The following TENM1 variants were observed in gnomAD, a reference collection of about 807,000 sequenced individuals.
TENM1 encodes the protein teneurin-1.
Under a neutral mutation model 174.8 loss-of-function variants are expected in TENM1, and 35 were observed. The observed-to-expected ratio is 0.20, with a 90% CI of 0.15 to 0.27. The LOEUF (loss-of-function observed/expected upper bound fraction) is 0.27, where lower values mean the gene tolerates loss of function less well. Ranked by LOEUF, TENM1 falls within the 10% of genes least tolerant of loss-of-function variation. The probability of loss-of-function intolerance (pLI) is 1.00; values close to 1 mark genes in which losing one functional copy is unlikely to be tolerated. For synonymous variants in TENM1, 781 were observed against 798.7 expected (o/e 0.98, Z 0.37); for missense variants, 1,633 against 2,130.1 (o/e 0.77, Z 4.59).
chrX:124,436,394 C>T (rs564596963), intron 23 of TENM1, among the ~76,000 whole-genome samples: 63 of 111,322 alleles, frequency 5.7e-4, no homozygotes, highest in African/African-American at 1.9e-3. Flanking sequence ...AGCCCTTCAT[C>T]CTGGAAGCAG....
chrX:125,118,657 G>A, the TENM1 span, among the ~76,000 whole-genome samples: 1 of 111,396 alleles, frequency 9.0e-6, no homozygotes, highest in Non-Finnish European at 1.9e-5. Context: ...TTAAGCACAC[G>A]AAAAGATGCT....
chrX:124,476,952 T>C (rs942527597), intron 22 of TENM1, among the ~76,000 whole-genome samples: 7 of 112,520 alleles, frequency 6.2e-5, no homozygotes, highest in South Asian at 3.7e-4. Context: ...CCCATTACAT[T>C]GAAGTATTGA....
intron 20 of TENM1, among the ~76,000 whole-genome samples, chrX:124,496,061 C>CT (rs2047194415): frequency 9.5e-6 from 1 of 105,280 alleles, no homozygotes; most frequent in Non-Finnish European, 1.9e-5. Flanking sequence ...TCAGAAATAA[C>CT]ACCGCATATC....
intron 3 of TENM1, among the ~76,000 whole-genome samples, chrX:124,791,670 A>T (rs1026176299): frequency 2.7e-5 from 3 of 111,821 alleles, no homozygotes; most frequent in Non-Finnish European, 3.8e-5. Context: ...TGTAGATCAA[A>T]GTGGATTTCC....
At chrX:124,558,984 G>A (rs1034175668) in intron 14 of TENM1, among the ~76,000 whole-genome samples, 4 of 111,449 alleles carry the variant, frequency 3.6e-5, no homozygotes, top group Non-Finnish European at 7.5e-5. Flanking sequence ...ATAGACCACA[G>A]GCATTGAGAA....
the TENM1 span, among the ~76,000 whole-genome samples, chrX:125,109,556 A>G: frequency 2.7e-5 from 3 of 110,914 alleles, no homozygotes; most frequent in Admixed American, 1.9e-4. Context: ...CCAAACACGC[A>G]GGAACAGTAA....
chrX:124,644,399 C>T (rs1050924430), intron 10 of TENM1, among the ~76,000 whole-genome samples: 6 of 108,799 alleles, frequency 5.5e-5, no homozygotes, highest in African/African-American at 1.7e-4. Context: ...GCCTCTTTCC[C>T]GAACAACAGT....
chrX:125,202,749 C>T, the TENM1 span, among the ~76,000 whole-genome samples: 1 of 109,658 alleles, frequency 9.1e-6, no homozygotes, highest in Non-Finnish European at 1.9e-5. Context: ...CTGACTGCAT[C>T]GGGTTCACTG....
At chrX:124,681,706 C>T (rs765511195) in intron 5 of TENM1, among the ~76,000 whole-genome samples, 24 of 111,407 alleles carry the variant, frequency 2.2e-4, no homozygotes, top group Admixed American at 4.8e-4. Flanking sequence ...GTGTAATAAT[C>T]TTGGGTAAGT....
chrX:124,631,074 C>T (rs1023030750), intron 11 of TENM1, among the ~76,000 whole-genome samples: 12 of 111,381 alleles, frequency 1.1e-4, no homozygotes, highest in African/African-American at 3.9e-4. Context: ...TTAAGAAAGC[C>T]AAAAACAAGA....
the TENM1 span, among the ~76,000 whole-genome samples, chrX:125,035,747 G>C: frequency 1.8e-5 from 2 of 111,251 alleles, no homozygotes; most frequent in Admixed American, 1.9e-4. Flanking sequence ...TCTGAAAAGG[G>C]TCTGTTAAAT....
intron 15 of TENM1, among the ~76,000 whole-genome samples, chrX:124,539,988 G>C (rs938729546): frequency 1.8e-5 from 2 of 111,916 alleles, no homozygotes; most frequent in Non-Finnish European, 3.8e-5. Flanking sequence ...TTGTCTTACA[G>C]GGCTACCTGT....
intron 31 of TENM1, 59 bp from the exon 35 acceptor site, chrX:124,381,353 G>A: frequency 9.4e-7 from 1 of 1,067,413 alleles, no homozygotes. Flanking sequence ...TCAGATACTT[G>A]GTGATTGTGG....
At chrX:124,749,156 A>C (rs1382236467) in intron 3 of TENM1, among the ~76,000 whole-genome samples, 1 of 111,549 alleles carries the variant, frequency 9.0e-6, no homozygotes, top group Non-Finnish European at 1.9e-5. Context: ...ATATAAGAAC[A>C]GTTGACACCT....
intron 3 of TENM1, among the ~76,000 whole-genome samples, chrX:124,843,925 C>T (rs951025963): frequency 3.6e-5 from 4 of 111,463 alleles, no homozygotes; most frequent in Admixed American, 9.5e-5. Context: ...CCTTCTATGC[C>T]GTAGGAATGC....
chrX:124,717,269 A>G (rs1316171085), intron 4 of TENM1, among the ~76,000 whole-genome samples: 6 of 111,743 alleles, frequency 5.4e-5, no homozygotes, highest in African/African-American at 1.3e-4. Context: ...AGATATGTAG[A>G]TCATTGTCTC....
intron 4 of TENM1, among the ~76,000 whole-genome samples, chrX:124,715,866 TTTA>T (rs1186039223): frequency 1.3e-4 from 15 of 111,260 alleles, no homozygotes; most frequent in African/African-American, 4.9e-4. Context: ...ATCATTTATT[TTTA>T]TTGAGTTATA....
chrX:125,143,018 T>C, the TENM1 span, among the ~76,000 whole-genome samples: 62 of 112,118 alleles, frequency 5.5e-4, no homozygotes, highest in Non-Finnish European at 9.8e-4. Flanking sequence ...CATCATGGGA[T>C]GCATACACAT....
chrX:124,460,425 G>A (rs1480475594), intron 22 of TENM1, among the ~76,000 whole-genome samples: 2 of 111,362 alleles, frequency 1.8e-5, no homozygotes, highest in Non-Finnish European at 3.8e-5. Context: ...CATGTCCTCT[G>A]TAGGGACATG....
Sources: allele counts gnomAD v4.1 joint callset (sites outside exome capture counted in the v4.1 genomes callset), GRCh38; gene constraint gnomAD v4.1.1; transcripts MANE v1.5; gene names NCBI Gene and HGNC (gene_info 2026-07-23, HGNC 2026-07-21).